The following PGM3 variants were observed in gnomAD, a reference collection of about 807,000 sequenced individuals.
The protein encoded by PGM3 is phosphoglucomutase 3.
A neutral mutation model predicts 66.2 loss-of-function variants in PGM3; 40 were observed. The observed-to-expected ratio is 0.60, with a 90% CI of 0.47 to 0.79. The LOEUF (loss-of-function observed/expected upper bound fraction) is 0.79, where lower values mean the gene tolerates loss of function less well. PGM3 is among the 30% of genes least tolerant of loss of function. The probability of loss-of-function intolerance (pLI) is 0.00; values close to 1 mark genes in which losing one functional copy is unlikely to be tolerated. For synonymous variants in PGM3, 191 were observed against 224.2 expected (o/e 0.85, Z 1.32); for missense variants, 537 against 643.4 (o/e 0.83, Z 1.79).
rs778255624 is a variant in PGM3 at position 83,182,862 on chromosome 6, C to T, written c.574G>A (p.Val192Met). The T allele has an allele frequency of 1.2e-6, 2 of 1,613,740 alleles. No individual in the cohort carries two copies. Among genetic ancestry groups the T allele is most frequent in the Non-Finnish European group, 1.7e-6 (2 of 1,179,850 alleles). The part of the protein sequence containing the change: ...GYYQKLSKAF[V>M]ELTKQASCSG... ...CTTTTCACCTGTTTGGTGAGTTCCA[C>T]AAAAGCCTTAGAGAGTTTCTGGTAG... Residue 192 changes from valine (V) to methionine (M), a missense_variant, in exon 5 of 13, where the codon GTG becomes ATG. By Grantham distance (21) the Val-to-Met change is conservative. Transcript: ENST00000513973.
chr6:83,148,993 A>C, the PGM3 span: 1 of 525,096 alleles, frequency 1.9e-6, no homozygotes, highest in Non-Finnish European at 3.1e-6. Flanking sequence ...TTGAGATGCA[A>C]AACTAGATGT....
chr6:83,183,828 T>C (rs573596981), intron 4 of PGM3, among the ~76,000 whole-genome samples: 1 of 151,998 alleles, frequency 6.6e-6, no homozygotes, highest in Admixed American at 6.6e-5. Flanking sequence ...CAGCCTCAAG[T>C]GATTCTCCTG....
At chr6:83,180,982 C>A (rs1788137034) in intron 6 of PGM3, among the ~76,000 whole-genome samples, 1 of 152,088 alleles carries the variant, frequency 6.6e-6, no homozygotes, top group Non-Finnish European at 1.5e-5. Context: ...GCTAGAGATT[C>A]CAATATATAA....
At chr6:83,161,593 G>T (rs1308351702), downstream of PGM3, among the ~76,000 whole-genome samples, 1 of 152,094 alleles carries the variant, frequency 6.6e-6, no homozygotes, top group Non-Finnish European at 1.5e-5. Flanking sequence ...TTATAGGATG[G>T]TTTCTAAACA....
intron 7 of PGM3, among the ~76,000 whole-genome samples, chr6:83,179,606 G>A (rs1788027734): frequency 6.6e-6 from 1 of 152,152 alleles, no homozygotes; most frequent in South Asian, 2.1e-4. Context: ...CCAGTATAAG[G>A]AGGAAAAGAG....
At chr6:83,179,364 T>A (rs1397956355) in intron 7 of PGM3, among the ~76,000 whole-genome samples, 1 of 152,046 alleles carries the variant, frequency 6.6e-6, no homozygotes, top group Non-Finnish European at 1.5e-5. Flanking sequence ...GTTTCCAGAT[T>A]ATAATAATTT....
chr6:83,151,852 C>T, the PGM3 span: 7 of 1,606,258 alleles, frequency 4.4e-6, no homozygotes, highest in African/African-American at 8.0e-5. Flanking sequence ...ATGTGTGTAC[C>T]ATACATAGTT....
At chr6:83,191,775 G>A (rs1362259782) in intron 1 of PGM3, among the ~76,000 whole-genome samples, 3 of 151,952 alleles carry the variant, frequency 2.0e-5, no homozygotes, top group African/African-American at 7.3e-5. Context: ...GATCACCTGA[G>A]GTCAGGAGTT....
chr6:83,175,700 TA>T (rs1271346100), intron 9 of PGM3, among the ~76,000 whole-genome samples: 1 of 152,146 alleles, frequency 6.6e-6, no homozygotes, highest in Non-Finnish European at 1.5e-5. Flanking sequence ...AACATACTTA[TA>T]AAAAAATTAA....
chr6:83,167,289 A>G lies in PGM3; in HGVS notation c.*1945T>C, dbSNP rs1472467361. 6.1e-6 allele frequency: 6 copies of G among 985,238 alleles called. No individual in the cohort carries two copies. In the African/African-American group the frequency reaches 8.7e-5, roughly 14 times the overall value. 61.0% of individuals were successfully genotyped at this position (985,238 alleles called of 1,614,324 possible). The stretch of plus-strand genomic sequence containing the variant: ...CTTTCCTCCCTATGTTGTTTAGCAC[A>G]ACCCAGAAGGAGACAGCAGTGTCTC... On this transcript the variant is annotated 3_prime_UTR_variant, in exon 13 of 13. Coordinates refer to ENST00000513973, the MANE Select transcript of PGM3 (RefSeq NM_015599.3).
chr6:83,191,220 C>G, intron 1 of PGM3: 4 of 1,535,398 alleles, frequency 2.6e-6, no homozygotes, highest in Non-Finnish European at 3.5e-6. Flanking sequence ...TATGTCCACT[C>G]CTGGGCAGAC....
chr6:83,154,502 C>A, the PGM3 span, among the ~76,000 whole-genome samples: 1 of 152,114 alleles, frequency 6.6e-6, no homozygotes, highest in Non-Finnish European at 1.5e-5. Flanking sequence ...AGGGAAGGGT[C>A]CATGTCTAAT....
downstream of PGM3, among the ~76,000 whole-genome samples, chr6:83,162,177 T>C (rs936703510): frequency 6.6e-6 from 1 of 152,178 alleles, no homozygotes; most frequent in Non-Finnish European, 1.5e-5. Context: ...ATGAATCCTA[T>C]GCGGGGAGGG....
rs1041671329 is a variant in PGM3 at position 83,166,590 on chromosome 6, T to A, written c.*2644A>T. The A allele has an allele frequency of 4.7e-6, 3 of 638,672 alleles. No homozygotes were observed. The highest frequency in any genetic ancestry group is 7.7e-6 in the Non-Finnish European group (3 of 390,606). The allele number at this position is 638,672 out of a possible 1,614,324, so 39.6% of individuals were successfully genotyped here. ...AAAGTGAGAAATATGCTTAAAATGA[T>A]GTATAACATAACCACATTTATTTAA... is the stretch of plus-strand genomic sequence containing the variant. On this transcript the variant is annotated 3_prime_UTR_variant, in exon 13 of 13. Transcript: ENST00000513973.
upstream of PGM3, chr6:83,193,331 T>TCCGCCAGCCCCGCCAGCC (rs3830855): frequency 5.9e-5 from 9 of 152,060 alleles, no homozygotes; most frequent in East Asian, 5.8e-4. Context: ...CAGAGGACTA[T>TCCGCCAGCCCCGCCAGCC]CCGCCAGCCC....
chr6:83,164,663 AAGG>A (rs763649243), downstream of PGM3: 11 of 1,576,406 alleles, frequency 7.0e-6, no homozygotes, highest in South Asian at 1.2e-5. Flanking sequence ...TCCACAGGAC[AAGG>A]AGGAGGACTT....
At chr6:83,162,957 C>G (rs939888058), downstream of PGM3, 10 of 1,585,172 alleles carry the variant, frequency 6.3e-6, no homozygotes, top group East Asian at 6.7e-5. Flanking sequence ...TTTTACATCA[C>G]TACATGTTGC....
chr6:83,162,880 C>G, downstream of PGM3: 7 of 1,613,180 alleles, frequency 4.3e-6, no homozygotes, highest in Non-Finnish European at 5.9e-6. Context: ...TTAAACCTTA[C>G]GTGGTACGAC....
intron 8 of PGM3, among the ~76,000 whole-genome samples, chr6:83,178,313 G>A (rs1306362896): frequency 6.6e-6 from 1 of 152,144 alleles, no homozygotes; most frequent in Non-Finnish European, 1.5e-5. Context: ...TGGGAGATAG[G>A]TGAGCTATCT....
Sources: allele counts gnomAD v4.1 joint callset (sites outside exome capture counted in the v4.1 genomes callset), GRCh38; gene constraint gnomAD v4.1.1; transcripts MANE v1.5; gene names NCBI Gene and HGNC (gene_info 2026-07-23, HGNC 2026-07-21).